Variants in CNTN4 observed in about 807,000 individuals in gnomAD.
The protein encoded by CNTN4 is contactin-4.
In CNTN4, 77 loss-of-function variants were observed where a neutral mutation model predicts 122.5. The observed-to-expected ratio is 0.63, with a 90% CI of 0.52 to 0.76. The LOEUF (loss-of-function observed/expected upper bound fraction) is 0.76. CNTN4 is among the 30% of genes least tolerant of loss of function. The probability of loss-of-function intolerance (pLI) is 0.00; values close to 1 mark genes in which losing one functional copy is unlikely to be tolerated. For missense variants in CNTN4, 1,256 were observed against 1,259.1 expected (o/e 1.00, Z 0.04); for synonymous variants, 512 against 447.0 (o/e 1.15, Z -1.83).
At chr3:2,997,250 G>A (rs542860848) in intron 14 of CNTN4, among the ~76,000 whole-genome samples, 1 of 152,346 alleles carries the variant, frequency 6.6e-6, no homozygotes, top group East Asian at 1.9e-4. Flanking sequence ...GCTTGAGAAT[G>A]ATGCTTTGTC....
chr3:2,698,849 C>T (rs1416168635), intron 4 of CNTN4, among the ~76,000 whole-genome samples: 2 of 152,176 alleles, frequency 1.3e-5, no homozygotes, highest in Non-Finnish European at 2.9e-5. Flanking sequence ...GAAACTCTGT[C>T]TCTACTAAAA....
chr3:2,655,693 A>T (rs1332269044), intron 4 of CNTN4, among the ~76,000 whole-genome samples: 1 of 152,162 alleles, frequency 6.6e-6, no homozygotes, highest in Admixed American at 6.6e-5. Flanking sequence ...GAGTCATAAT[A>T]ACTTAAAGCA....
At chr3:2,384,761 C>CGAGTGTGTGTGTGTGTGTGTGTGT (rs1553637824) in intron 3 of CNTN4, among the ~76,000 whole-genome samples, 1 of 147,902 alleles carries the variant, frequency 6.8e-6, no homozygotes, top group Non-Finnish European at 1.5e-5. Flanking sequence ...TCAATGTGTG[C>CGAGTGTGTGTGTGTGTGTGTGTGT]GTGTGTGTGT....
At chr3:3,017,131 CTT>C (rs1223034426) in intron 14 of CNTN4, among the ~76,000 whole-genome samples, 1 of 152,196 alleles carries the variant, frequency 6.6e-6, no homozygotes, top group East Asian at 1.9e-4. Context: ...CCAAAATACA[CTT>C]ATTGTTCTTT....
intron 7 of CNTN4, among the ~76,000 whole-genome samples, chr3:2,848,939 G>A (rs1000212590): frequency 3.9e-5 from 6 of 152,156 alleles, no homozygotes; most frequent in Admixed American, 1.3e-4. Context: ...ACTAAGAGTC[G>A]GGGAGAAATG....
At position 2,898,529 on chromosome 3, in the gene CNTN4, C is replaced by T. The variant is rs76191880; in HGVS notation, c.941-2156C>T. 3.3e-5 allele frequency among the ~76,000 whole-genome samples: 5 copies of T among 152,256 alleles called. No homozygotes were observed. In the South Asian group the frequency reaches 8.3e-4, roughly 25 times the overall value. On this transcript the variant is annotated intron_variant, in intron 10 of 24. Transcript: ENST00000418658. ...TTTTCAAAATTCTCTCCAGTCCCTC[C>T]CTTCTCTGCCTCACCTGCTTCTTGA...
intron 13 of CNTN4, among the ~76,000 whole-genome samples, chr3:2,954,987 A>C (rs1323545557): frequency 1.3e-5 from 2 of 152,016 alleles, no homozygotes; most frequent in African/African-American, 2.4e-5. Context: ...AATCACCTAG[A>C]ATATTTTGAA....
chr3:2,466,662 G>T (rs2075508119), intron 3 of CNTN4, among the ~76,000 whole-genome samples: 2 of 152,100 alleles, frequency 1.3e-5, no homozygotes, highest in Admixed American at 1.3e-4. Context: ...TCATTTTAAG[G>T]GGGTGTCATA....
chr3:2,869,454 G>C (rs2093761224), intron 8 of CNTN4, among the ~76,000 whole-genome samples: 1 of 152,174 alleles, frequency 6.6e-6, no homozygotes, highest in Non-Finnish European at 1.5e-5. Context: ...ATGACACATA[G>C]GTTTCTGGCA....
intron 4 of CNTN4, among the ~76,000 whole-genome samples, chr3:2,605,664 G>A (rs1379328906): frequency 6.6e-6 from 1 of 152,108 alleles, no homozygotes; most frequent in African/African-American, 2.4e-5. Flanking sequence ...GATGCATTTT[G>A]AAGGTGGAGC....
At chr3:2,872,624 A>T (rs1440837396) in intron 8 of CNTN4, among the ~76,000 whole-genome samples, 1 of 152,160 alleles carries the variant, frequency 6.6e-6, no homozygotes, top group East Asian at 1.9e-4. Context: ...CATAGAAGAG[A>T]TGCTACAAAA....
chr3:2,234,734 A>G (rs538993192), intron 2 of CNTN4, among the ~76,000 whole-genome samples: 1 of 152,304 alleles, frequency 6.6e-6, no homozygotes, highest in East Asian at 1.9e-4. Context: ...TGATCATTTT[A>G]TGAGTGTGAT....
At chr3:2,739,820 G>A (rs1196215240) in intron 5 of CNTN4, among the ~76,000 whole-genome samples, 2 of 152,186 alleles carry the variant, frequency 1.3e-5, no homozygotes, top group Non-Finnish European at 2.9e-5. Context: ...TTGTGAAAAA[G>A]TAACTAAGTT....
chr3:2,587,192 C>T (rs1477502509), intron 4 of CNTN4, among the ~76,000 whole-genome samples: 4 of 152,144 alleles, frequency 2.6e-5, no homozygotes, highest in Non-Finnish European at 4.4e-5. Flanking sequence ...AAAGTCTTTC[C>T]TATAAAAAAA....
chr3:2,988,631 G>T (rs11715000), intron 14 of CNTN4, 159 bp downstream of exon 14: 1 of 748,036 alleles, frequency 1.3e-6, no homozygotes, highest in Non-Finnish European at 2.2e-6. Flanking sequence ...ATAATTCTTA[G>T]AAAACTGCTG....
intron 3 of CNTN4, among the ~76,000 whole-genome samples, chr3:2,472,372 C>G (rs2075712122): frequency 6.6e-6 from 1 of 152,038 alleles, no homozygotes. Flanking sequence ...TCCCGAGTAA[C>G]TGGATTACAT....
At chr3:3,017,065 A>G (rs968216912) in intron 14 of CNTN4, among the ~76,000 whole-genome samples, 3 of 152,136 alleles carry the variant, frequency 2.0e-5, no homozygotes, top group Admixed American at 2.0e-4. Flanking sequence ...AACGTGCCCT[A>G]TGCTACTTCT....
chr3:2,415,833 G>A (rs1363053097), intron 3 of CNTN4, among the ~76,000 whole-genome samples: 1 of 151,830 alleles, frequency 6.6e-6, no homozygotes, highest in Non-Finnish European at 1.5e-5. Flanking sequence ...TTGGGATTTG[G>A]GGTGGCGCTG....
intron 3 of CNTN4, among the ~76,000 whole-genome samples, chr3:2,425,030 C>A (rs2047767650): frequency 6.6e-6 from 1 of 152,152 alleles, no homozygotes. Flanking sequence ...TGCCTGTTCA[C>A]TCTGATGGTA....
Sources: gnomAD v4.1 joint callset for allele counts (sites outside exome capture counted in the v4.1 genomes callset) on GRCh38, gnomAD v4.1.1 for gene constraint, MANE v1.5 for transcripts, NCBI Gene and HGNC (gene_info 2026-07-23, HGNC 2026-07-21) for gene names.